INPP5B: variants seen among roughly 807,000 people sequenced by gnomAD.
INPP5B encodes inositol polyphosphate-5-phosphatase B.
A neutral mutation model predicts 118.5 loss-of-function variants in INPP5B; 90 were observed. That is an observed-to-expected ratio of 0.76 (90% CI 0.64 to 0.90). INPP5B has a LOEUF of 0.90. INPP5B is among the 40% of genes least tolerant of loss of function. INPP5B has a pLI of 0.00. For missense variants in INPP5B, 984 were observed against 1,125.6 expected (o/e 0.87, Z 1.80); for synonymous variants, 385 against 418.9 (o/e 0.92, Z 0.99).
chr1:37,885,737 T>C lies in INPP5B; in HGVS notation c.1220A>G (p.Glu407Gly). 11 of 1,614,202 alleles carry C rather than the reference T, an allele frequency of 6.8e-6. No homozygotes were observed. Among genetic ancestry groups the C allele is most frequent in the Non-Finnish European group, 9.3e-6 (11 of 1,180,018 alleles). ...ATAGTCCTGGTTCCTCCTCTCATAC[T>C]CTTCAATGTGGGCTGCCAAGTGAGA... is the stretch of plus-strand genomic sequence containing the variant. ...VNSHLAAHIE[E>G]YERRNQDYKD... The change falls in exon 13 of 24, where the codon GAG becomes GGG. Residue 407 changes from glutamate to glycine, a missense_variant. Around this residue, in one of 2 missense-constraint regions of INPP5B, gnomAD observed 634 missense variants for 791.0 expected, o/e 0.80. Coordinates refer to ENST00000373024, the MANE Select transcript of INPP5B (RefSeq NM_005540.3).
intron 7 of INPP5B, among the ~76,000 whole-genome samples, chr1:37,918,350 C>T (rs559558277): frequency 2.0e-3 from 312 of 152,300 alleles, no homozygotes; most frequent in Non-Finnish European, 3.8e-3. Context: ...CTCTACTCTC[C>T]TTCATCAATC....
chr1:37,886,571 A>C (rs1643548437), intron 12 of INPP5B, among the ~76,000 whole-genome samples: 1 of 152,200 alleles, frequency 6.6e-6, no homozygotes, highest in South Asian at 2.1e-4. Flanking sequence ...TTGCAAACCT[A>C]CTGTCAGCAT....
At chr1:37,913,027 G>A (rs1644752951) in intron 7 of INPP5B, among the ~76,000 whole-genome samples, 2 of 151,644 alleles carry the variant, frequency 1.3e-5, no homozygotes, top group African/African-American at 2.4e-5. Flanking sequence ...GAACACTGAG[G>A]TGGGCAGATC....
intron 13 of INPP5B, chr1:37,883,524 T>C (rs1643335187): frequency 5.1e-6 from 5 of 985,338 alleles, no homozygotes; most frequent in Admixed American, 6.2e-5. Flanking sequence ...GATGACACTG[T>C]ACATCTCATT....
At chr1:37,871,584 A>G (rs1642443831) in intron 19 of INPP5B, among the ~76,000 whole-genome samples, 1 of 152,100 alleles carries the variant, frequency 6.6e-6, no homozygotes, top group Non-Finnish European at 1.5e-5. Context: ...CCCGGCCGAC[A>G]TGGTGAAACT....
At chr1:37,911,024 C>T (rs993614065) in intron 7 of INPP5B, among the ~76,000 whole-genome samples, 2 of 152,188 alleles carry the variant, frequency 1.3e-5, no homozygotes, top group African/African-American at 4.8e-5. Context: ...TTACACACAG[C>T]TGAAGTGCAG....
At position 37,874,054 on chromosome 1, in the gene INPP5B, A is replaced by G; in HGVS notation, c.1890T>C (p.Asp630=). 1.9e-6 allele frequency: 3 copies of G among 1,608,212 alleles called. No homozygotes were observed. Among genetic ancestry groups the G allele is most frequent in the African/African-American group, 1.3e-5 (1 of 75,000 alleles). Residue 630 remains aspartate, a synonymous_variant, in exon 18 of 24, where the codon GAT becomes GAC. Coordinates refer to ENST00000373024, the MANE Select transcript of INPP5B (RefSeq NM_005540.3). ...PCHFEFINKP[D]EESYCKQWLN... is the part of the protein sequence containing the mutation. ...GCCACTGCTTACAGTAAGACTCTTCATCAGGCTTGTTGATGAATTCAAAAT... is the reference window on the plus strand; with the variant it reads ...GCCACTGCTTACAGTAAGACTCTTCGTCAGGCTTGTTGATGAATTCAAAAT...
At chr1:37,920,131 T>C (rs1239720885) in intron 7 of INPP5B, among the ~76,000 whole-genome samples, 1 of 152,112 alleles carries the variant, frequency 6.6e-6, no homozygotes, top group African/African-American at 2.4e-5. Flanking sequence ...GAGCACACAG[T>C]AGTAAATGGC....
At chr1:37,916,834 CAT>C (rs1570285072) in intron 7 of INPP5B, among the ~76,000 whole-genome samples, 1 of 152,122 alleles carries the variant, frequency 6.6e-6, no homozygotes, top group East Asian at 1.9e-4. Flanking sequence ...ATTATTTCTT[CAT>C]TCAATTGCTC....
rs1570074215 is a variant in INPP5B at position 37,883,044 on chromosome 1, T to C, written c.1320-126A>G. 2.8e-6 allele frequency: 4 copies of C among 1,449,964 alleles called. No individual in the cohort carries two copies. The East Asian group carries it at 1.0e-4, about 36-fold the overall frequency. The allele number at this position is 1,449,964 out of a possible 1,614,324, so 89.8% of individuals were successfully genotyped here. ...GAGGTGGGTGGGAAAATGGCTCAAC[T>C]GTTCGGAAAATTTTTTTCTCTCGCC... On this transcript the variant is annotated intron_variant, in intron 13 of 23. Transcript: ENST00000373024.
At chr1:37,879,032 G>GCA (rs879675573) in intron 15 of INPP5B, among the ~76,000 whole-genome samples, 35,446 of 150,902 alleles carry the variant, frequency 0.23, 4,731 homozygotes, top group Non-Finnish European at 0.29. Context: ...CCAAGGCAGG[G>GCA]GGATCATGAG....
chr1:37,902,184 A>C (rs920026597), intron 7 of INPP5B, among the ~76,000 whole-genome samples: 1 of 151,852 alleles, frequency 6.6e-6, no homozygotes, highest in African/African-American at 2.4e-5. Context: ...ACGGGGTTTC[A>C]CCATGTTGGC....
intron 7 of INPP5B, among the ~76,000 whole-genome samples, chr1:37,898,489 A>G (rs1159232565): frequency 6.6e-6 from 1 of 152,128 alleles, no homozygotes; most frequent in African/African-American, 2.4e-5. Flanking sequence ...AGGTCAGGAA[A>G]TCGAGACTAT....
At position 37,862,165 on chromosome 1, in the gene INPP5B, T is replaced by C. The variant is rs1641736978; in HGVS notation, c.*150A>G. The C allele has an allele frequency of 1.6e-6, 1 of 613,804 alleles. No individual in the cohort carries two copies. The highest frequency in any genetic ancestry group is 2.9e-6 in the Non-Finnish European group (1 of 339,698). 38.0% of individuals were successfully genotyped at this position (613,804 alleles called of 1,614,324 possible). On this transcript the variant is annotated 3_prime_UTR_variant, in exon 24 of 24. Coordinates refer to ENST00000373024, the MANE Select transcript of INPP5B (RefSeq NM_005540.3). ...TCACAGCGCTGAGTGTGCTAACCAATGGTGGGCTTAATTGGGGTACTAGGC... is the reference window on the plus strand; with the variant it reads ...TCACAGCGCTGAGTGTGCTAACCAACGGTGGGCTTAATTGGGGTACTAGGC...
chr1:37,913,753 T>C (rs1644777672), intron 7 of INPP5B, among the ~76,000 whole-genome samples: 1 of 152,192 alleles, frequency 6.6e-6, no homozygotes, highest in Non-Finnish European at 1.5e-5. Flanking sequence ...ACCACCATTT[T>C]GTTTTGTTTT....
intron 7 of INPP5B, among the ~76,000 whole-genome samples, chr1:37,899,401 T>C (rs562368814): frequency 1.3e-5 from 2 of 150,578 alleles, no homozygotes; most frequent in South Asian, 4.2e-4. Flanking sequence ...CCGTCTCTAC[T>C]TAAAATACAA....
At chr1:37,919,035 G>A (rs911004501) in intron 7 of INPP5B, among the ~76,000 whole-genome samples, 1 of 152,182 alleles carries the variant, frequency 6.6e-6, no homozygotes, top group Non-Finnish European at 1.5e-5. Context: ...AGTAAATGGT[G>A]CAGCTGACAT....
intron 7 of INPP5B, among the ~76,000 whole-genome samples, chr1:37,916,570 C>T (rs1223274102): frequency 2.0e-5 from 3 of 152,026 alleles, no homozygotes; most frequent in African/African-American, 7.3e-5. Flanking sequence ...GCATGCGCCA[C>T]TACGCCCGGC....
intron 6 of INPP5B, among the ~76,000 whole-genome samples, 194 bp downstream of exon 6, chr1:37,940,494 C>G (rs949410557): frequency 6.6e-6 from 1 of 152,230 alleles, no homozygotes; most frequent in East Asian, 1.9e-4. Flanking sequence ...TAACACTCAA[C>G]TCCAGAAACT....
Sources: gnomAD v4.1 joint callset for allele counts (sites outside exome capture counted in the v4.1 genomes callset) on GRCh38, gnomAD v4.1.1 for gene constraint, gnomAD v4.1.1 regional missense constraint, MANE v1.5 for transcripts, NCBI Gene and HGNC (gene_info 2026-07-23, HGNC 2026-07-21) for gene names.